ENTPD4: variants seen among roughly 807,000 people sequenced by gnomAD.
ENTPD4 encodes Golgi UDPase.
In ENTPD4, 60 loss-of-function variants were observed where a neutral mutation model predicts 79.1. That is an observed-to-expected ratio of 0.76 (90% CI 0.62 to 0.94). The LOEUF (loss-of-function observed/expected upper bound fraction) is 0.94. Among genes scored for constraint, ENTPD4 ranks in the 40% least tolerant of loss-of-function variants. The pLI, the probability that ENTPD4 is intolerant of heterozygous loss-of-function variation, is 0.00. For missense variants in ENTPD4, 772 were observed against 775.1 expected (o/e 1.00, Z 0.05); for synonymous variants, 276 against 292.0 (o/e 0.95, Z 0.56).
chr8:23,457,382 C>T (rs1026536778), intron 1 of ENTPD4, among the ~76,000 whole-genome samples, 175 bp downstream of exon 1: 5 of 82,680 alleles, frequency 6.0e-5, no homozygotes, highest in African/African-American at 3.3e-4. Flanking sequence ...TGTGGCCGCG[C>T]GGCAGGGGAG....
At chr8:23,440,422 A>G (rs1445486866) in intron 8 of ENTPD4, among the ~76,000 whole-genome samples, 2 of 152,250 alleles carry the variant, frequency 1.3e-5, no homozygotes, top group Non-Finnish European at 2.9e-5. Flanking sequence ...GAGTAGAAAA[A>G]AAAAGAAATT....
intron 8 of ENTPD4, 89 bp from the exon 9 acceptor site, chr8:23,440,004 A>G: frequency 9.0e-7 from 1 of 1,112,234 alleles, no homozygotes; most frequent in Non-Finnish European, 1.3e-6. Flanking sequence ...CTCATCTAAA[A>G]GGGACAAAAA....
At chr8:23,455,076 C>T (rs367915066) in intron 1 of ENTPD4, among the ~76,000 whole-genome samples, 59 of 152,168 alleles carry the variant, frequency 3.9e-4, no homozygotes, top group African/African-American at 1.4e-3. Context: ...CTTGGCTGAA[C>T]ATTATTGGAA....
At position 23,447,840 on chromosome 8, in the gene ENTPD4, G is replaced by A. The variant is rs773927403; in HGVS notation, c.252C>T (p.Asn84=). 2 of 1,614,208 alleles carry A rather than the reference G, an allele frequency of 1.2e-6. No homozygotes were observed. The highest frequency in any genetic ancestry group is 1.1e-5 in the South Asian group (1 of 91,090). Residue 84 remains asparagine, a synonymous_variant, in exon 4 of 13, where the codon AAC becomes AAT. Coordinates refer to ENST00000358689, the MANE Select transcript of ENTPD4 (RefSeq NM_004901.5). ...CCACGATCCCATAGTTCACATTGGG[G>A]TTATTGGTGTCTGTAGCTTCAATGT... The part of the protein sequence containing the change: ...VTDIEATDTN[N]PNVNYGIVVD...
intron 9 of ENTPD4, among the ~76,000 whole-genome samples, chr8:23,438,794 GA>G (rs1800615130): frequency 6.6e-6 from 1 of 152,168 alleles, no homozygotes; most frequent in African/African-American, 2.4e-5. Flanking sequence ...TTAACTTTTG[GA>G]AGAGACACAG....
chr8:23,448,853 C>T lies in ENTPD4; in HGVS notation c.95G>A (p.Arg32His), dbSNP rs887446660. The T allele has an allele frequency of 7.4e-6, 12 of 1,613,868 alleles. No individual in the cohort carries two copies. The highest frequency in any genetic ancestry group is 2.2e-5 in the South Asian group (2 of 91,070). The change falls in exon 3 of 13, where the codon CGC (arginine) becomes CAC (histidine). Residue 32 changes from arginine to histidine, a missense_variant. Physicochemically the swap from Arg to His is conservative, Grantham distance 29. Coordinates refer to ENST00000358689, the MANE Select transcript of ENTPD4 (RefSeq NM_004901.5). Reference protein sequence around the residue: ...GCPRILNTNLRQIMVISVLAA... With the variant: ...GCPRILNTNLHQIMVISVLAA... Reference sequence around the variant, plus strand: ...CAGGACACTAATGACCATAATTTGGCGTAAATTGGTATTCAGAATTCGAGG... The same window carrying T: ...CAGGACACTAATGACCATAATTTGGTGTAAATTGGTATTCAGAATTCGAGG...
chr8:23,434,070 G>A, intron 12 of ENTPD4: 1 of 487,770 alleles, frequency 2.1e-6, no homozygotes, highest in Non-Finnish European at 3.7e-6. Flanking sequence ...GGAACAGACA[G>A]TTGAGAATAA....
chr8:23,445,702 A>G (rs978366525), intron 4 of ENTPD4, among the ~76,000 whole-genome samples: 13 of 152,230 alleles, frequency 8.5e-5, no homozygotes, highest in Non-Finnish European at 4.4e-5. Flanking sequence ...TCATTACACC[A>G]TATCAAAATT....
At chr8:23,439,020 T>TA (rs1563223634) in intron 9 of ENTPD4, among the ~76,000 whole-genome samples, 1 of 152,186 alleles carries the variant, frequency 6.6e-6, no homozygotes, top group Non-Finnish European at 1.5e-5. Flanking sequence ...CAGTAATAAA[T>TA]AGGATAGCTT....
intron 12 of ENTPD4, 86 bp from the exon 13 acceptor site, chr8:23,433,240 G>A (rs1800493170): frequency 8.8e-7 from 1 of 1,142,430 alleles, no homozygotes. Context: ...CGGGACCCAG[G>A]CCCCAGAGCT....
chr8:23,431,410 T>A lies in ENTPD4; in HGVS notation c.*1516A>T. The A allele has an allele frequency of 1.0e-6, 1 of 985,404 alleles. No individual in the cohort carries two copies. The allele number at this position is 985,404 out of a possible 1,614,324, so 61.0% of individuals were successfully genotyped here. A position where few individuals can be genotyped will look rare whatever the true frequency, so the allele number is the denominator to read the frequency against. ...CAAAACAAACTCCACCTAAAAAAACTGTACGAGAATTCCCCAAACTTCTCA... is the reference window on the plus strand; with the variant it reads ...CAAAACAAACTCCACCTAAAAAAACAGTACGAGAATTCCCCAAACTTCTCA... On this transcript the variant is annotated 3_prime_UTR_variant, in exon 13 of 13. Coordinates refer to ENST00000358689, the MANE Select transcript of ENTPD4 (RefSeq NM_004901.5).
chr8:23,446,988 A>C (rs767237805), intron 4 of ENTPD4, among the ~76,000 whole-genome samples: 1 of 152,258 alleles, frequency 6.6e-6, no homozygotes, highest in Non-Finnish European at 1.5e-5. Flanking sequence ...CAACTGTTTG[A>C]AATCAGTGAT....
At chr8:23,436,846 C>T (rs1800570631) in intron 10 of ENTPD4, 88 bp downstream of exon 10, 21 of 1,056,380 alleles carry the variant, frequency 2.0e-5, no homozygotes, top group Non-Finnish European at 2.9e-5. Flanking sequence ...CCGTCTTTCC[C>T]TGTCAATGTG....
chr8:23,441,115 C>A (rs1800660590), intron 8 of ENTPD4, among the ~76,000 whole-genome samples: 2 of 152,150 alleles, frequency 1.3e-5, no homozygotes, highest in South Asian at 4.1e-4. Context: ...GGGTGGAGAA[C>A]AGTTCGAGTA....
chr8:23,431,571 T>C lies in ENTPD4; in HGVS notation c.*1355A>G, dbSNP rs1341661123. The C allele has an allele frequency of 1.0e-6, 1 of 985,342 alleles. No homozygotes were observed. The highest frequency in any genetic ancestry group is 1.2e-6 in the Non-Finnish European group (1 of 829,946). The allele number at this position is 985,342 out of a possible 1,614,324, so 61.0% of individuals were successfully genotyped here. ...CCTGTATTGGATGCAGACTCTTCCCTTCTGGATTTACAGTGGTGCTGCCAG... is the reference window on the plus strand; with the variant it reads ...CCTGTATTGGATGCAGACTCTTCCCCTCTGGATTTACAGTGGTGCTGCCAG... On this transcript the variant is annotated 3_prime_UTR_variant, in exon 13 of 13. Transcript: ENST00000358689.
At chr8:23,443,137 AG>A (rs1800703082) in intron 6 of ENTPD4, among the ~76,000 whole-genome samples, 1 of 151,206 alleles carries the variant, frequency 6.6e-6, no homozygotes, top group Non-Finnish European at 1.5e-5. Context: ...GGTGCAGTTC[AG>A]ATGTCACTTT....
Position 23,431,566 on chromosome 8 carries a change from T to C in ENTPD4, c.*1360A>G, listed in dbSNP as rs1291674770. The C allele has an allele frequency of 8.1e-6, 8 of 985,474 alleles. No homozygotes were observed. The highest frequency in any genetic ancestry group is 9.6e-6 in the Non-Finnish European group (8 of 829,940). The allele number at this position is 985,474 out of a possible 1,614,324, so 61.0% of individuals were successfully genotyped here. On this transcript the variant is annotated 3_prime_UTR_variant, in exon 13 of 13. Coordinates refer to ENST00000358689, the MANE Select transcript of ENTPD4 (RefSeq NM_004901.5). ...TATTTCCTGTATTGGATGCAGACTC[T>C]TCCCTTCTGGATTTACAGTGGTGCT... is the stretch of plus-strand genomic sequence containing the variant.
In ENTPD4 at chr8:23,431,802, C is replaced by A; in HGVS notation, c.*1124G>T. ...GGCATGTGCTCTAGTTCCAATAAAA[C>A]CGAAACTGGTGAAACTAGGAATTTC... On this transcript the variant is annotated 3_prime_UTR_variant, in exon 13 of 13. Transcript: ENST00000358689. 3 of 985,430 alleles carry A rather than the reference C, an allele frequency of 3.0e-6. No homozygotes were observed. Among genetic ancestry groups the A allele is most frequent in the Non-Finnish European group, 3.6e-6 (3 of 829,920 alleles). 61.0% of individuals were successfully genotyped at this position (985,430 alleles called of 1,614,324 possible). A position where few individuals can be genotyped will look rare whatever the true frequency, so the allele number is the denominator to read the frequency against.
At chr8:23,451,457 G>C (rs950762413) in intron 1 of ENTPD4, among the ~76,000 whole-genome samples, 1 of 152,064 alleles carries the variant, frequency 6.6e-6, no homozygotes, top group Non-Finnish European at 1.5e-5. Flanking sequence ...GTCTTCTACC[G>C]GCAGTCTCAA....
Sources: allele counts gnomAD v4.1 joint callset (sites outside exome capture counted in the v4.1 genomes callset), GRCh38; gene constraint gnomAD v4.1.1; transcripts MANE v1.5; gene names NCBI Gene and HGNC (gene_info 2026-07-23, HGNC 2026-07-21).